The following PDSS2 variants were observed in gnomAD, a reference collection of about 807,000 sequenced individuals.
The protein encoded by PDSS2 is all trans-polyprenyl-diphosphate synthase PDSS2.
PDSS2 carries 31 observed loss-of-function variants against 44.5 expected under a neutral mutation model. The ratio of observed to expected loss-of-function variants is 0.70; its 90% confidence interval spans 0.52 to 0.94. The LOEUF (loss-of-function observed/expected upper bound fraction) is 0.94, where lower values mean the gene tolerates loss of function less well. PDSS2 is among the 40% of genes least tolerant of loss of function. PDSS2 has a pLI of 0.00. For synonymous variants in PDSS2, 157 were observed against 180.3 expected, an observed-to-expected ratio of 0.87 and a Z score of 1.03; for missense variants, 452 against 482.2, an observed-to-expected ratio of 0.94 and a Z score of 0.59.
chr6:107,295,430 T>C (rs1479783071), intron 2 of PDSS2, among the ~76,000 whole-genome samples: 12 of 152,202 alleles, frequency 7.9e-5, no homozygotes. Flanking sequence ...CATATTCCCT[T>C]GTGGGTATCT....
chr6:107,190,336 A>G (rs1424085083), intron 7 of PDSS2, among the ~76,000 whole-genome samples: 3 of 152,128 alleles, frequency 2.0e-5, no homozygotes. Flanking sequence ...TTTCTCCTGC[A>G]GCAGGTTGCT....
At chr6:107,388,327 G>A (rs1163460332) in intron 1 of PDSS2, among the ~76,000 whole-genome samples, 1 of 152,112 alleles carries the variant, frequency 6.6e-6, no homozygotes, top group Non-Finnish European at 1.5e-5. Flanking sequence ...CACTTCGGAA[G>A]ACAGTTTGGC....
At chr6:107,391,047 G>A (rs1779763610) in intron 1 of PDSS2, among the ~76,000 whole-genome samples, 1 of 151,468 alleles carries the variant, frequency 6.6e-6, no homozygotes, top group Non-Finnish European at 1.5e-5. Context: ...ATGGGGGGAG[G>A]GTGGGGAGAG....
chr6:107,419,596 C>T, intron 1 of PDSS2, among the ~76,000 whole-genome samples: 1 of 152,102 alleles, frequency 6.6e-6, no homozygotes, highest in East Asian at 1.9e-4. Flanking sequence ...TATAGACTAG[C>T]CAAGAGAAAT....
chr6:107,291,741 G>A (rs942452643), intron 2 of PDSS2, among the ~76,000 whole-genome samples: 23 of 151,986 alleles, frequency 1.5e-4, no homozygotes, highest in African/African-American at 4.1e-4. Context: ...AGCTGGGCAC[G>A]GTGGCTCATG....
intron 2 of PDSS2, among the ~76,000 whole-genome samples, chr6:107,318,381 G>A (rs1269889269): frequency 6.6e-6 from 1 of 152,238 alleles, no homozygotes; most frequent in African/African-American, 2.4e-5. Context: ...CTGAGCTCCA[G>A]AAGATCCCAG....
intron 1 of PDSS2, among the ~76,000 whole-genome samples, chr6:107,401,412 GA>G (rs563713227): frequency 6.8e-6 from 1 of 147,418 alleles, no homozygotes; most frequent in Non-Finnish European, 1.5e-5. Context: ...ACCCTCAAAA[GA>G]AAAAAAAGTC....
intron 7 of PDSS2, among the ~76,000 whole-genome samples, chr6:107,165,541 A>T (rs1554247373): frequency 6.6e-6 from 1 of 152,198 alleles, no homozygotes; most frequent in Non-Finnish European, 1.5e-5. Flanking sequence ...TTTTGGTACC[A>T]GTACCATGCT....
In PDSS2 at chr6:107,212,234, T is replaced by C. The variant is rs1174221335; in HGVS notation, c.751A>G (p.Thr251Ala). Residue 251 changes from threonine (T) to alanine (A), a missense_variant, in exon 5 of 8, where the codon ACT becomes GCT. Transcript: ENST00000369037. ...DIGISTWKEQ[T>A]FLSHGALLAK... ...AGTAAGGCACCATGGGAGAGAAAAGTCTGCTCCTTCCAAGTCGATATTCCA... is the reference window on the plus strand; with the variant it reads ...AGTAAGGCACCATGGGAGAGAAAAGCCTGCTCCTTCCAAGTCGATATTCCA... 6.2e-7 allele frequency: 1 copy of C among 1,613,892 alleles called. No homozygotes were observed. The highest frequency in any genetic ancestry group is 8.5e-7 in the Non-Finnish European group (1 of 1,179,826).
intron 1 of PDSS2, among the ~76,000 whole-genome samples, chr6:107,441,172 C>G (rs1024441886): frequency 2.6e-5 from 4 of 152,182 alleles, no homozygotes; most frequent in Non-Finnish European, 5.9e-5. Flanking sequence ...GCCACTACAT[C>G]AGCACTCAAA....
At chr6:107,220,158 A>G (rs1209467530) in intron 4 of PDSS2, among the ~76,000 whole-genome samples, 2 of 152,124 alleles carry the variant, frequency 1.3e-5, no homozygotes, top group Non-Finnish European at 1.5e-5. Flanking sequence ...TAATGACTGT[A>G]TCACTTGATA....
At chr6:107,256,936 T>G (rs1453008134) in intron 3 of PDSS2, among the ~76,000 whole-genome samples, 1 of 152,004 alleles carries the variant, frequency 6.6e-6, no homozygotes, top group African/African-American at 2.4e-5. Context: ...AATCAGCACT[T>G]TGGGAGACCG....
intron 3 of PDSS2, among the ~76,000 whole-genome samples, chr6:107,253,045 T>C (rs773595930): frequency 1.3e-5 from 2 of 152,212 alleles, no homozygotes; most frequent in African/African-American, 2.4e-5. Context: ...GTTTATTTTA[T>C]TATTTTTTGA....
chr6:107,309,616 G>A (rs972887721), intron 2 of PDSS2, among the ~76,000 whole-genome samples: 3 of 152,310 alleles, frequency 2.0e-5, no homozygotes, highest in East Asian at 3.9e-4. Context: ...CCACAATGCA[G>A]GAACGGAAGG....
intron 6 of PDSS2, among the ~76,000 whole-genome samples, chr6:107,201,813 C>A (rs1348328869): frequency 2.6e-5 from 4 of 152,114 alleles, no homozygotes; most frequent in Non-Finnish European, 5.9e-5. Context: ...TTTAAATCTT[C>A]AAGGAAAACT....
At chr6:107,421,807 A>ACACAC (rs150765828) in intron 1 of PDSS2, among the ~76,000 whole-genome samples, 2 of 146,114 alleles carry the variant, frequency 1.4e-5, no homozygotes, top group Non-Finnish European at 3.0e-5. Context: ...AATTTCACAG[A>ACACAC]ACACACACAC....
At chr6:107,191,001 C>T (rs1158192799) in intron 7 of PDSS2, among the ~76,000 whole-genome samples, 2 of 152,110 alleles carry the variant, frequency 1.3e-5, no homozygotes, top group Non-Finnish European at 2.9e-5. Context: ...ACACCATTCT[C>T]CTGCCTCAGC....
intron 2 of PDSS2, among the ~76,000 whole-genome samples, chr6:107,312,426 T>A (rs1047694299): frequency 6.6e-6 from 1 of 152,036 alleles, no homozygotes; most frequent in African/African-American, 2.4e-5. Context: ...AAGCTAAGAG[T>A]ATGGGCTCTG....
At chr6:107,292,482 A>G (rs1776379942) in intron 2 of PDSS2, among the ~76,000 whole-genome samples, 1 of 152,204 alleles carries the variant, frequency 6.6e-6, no homozygotes, top group African/African-American at 2.4e-5. Context: ...CATACTTGAA[A>G]GAGCAGAGGG....
Sources: allele counts gnomAD v4.1 joint callset (sites outside exome capture counted in the v4.1 genomes callset), GRCh38; gene constraint gnomAD v4.1.1; transcripts MANE v1.5; gene names NCBI Gene and HGNC (gene_info 2026-07-23, HGNC 2026-07-21).